Variants in TOM1 observed in about 807,000 individuals in gnomAD.
TOM1 encodes target of myb1 membrane trafficking protein.
Under a neutral mutation model 61.3 loss-of-function variants are expected in TOM1, and 38 were observed. That is an observed-to-expected ratio of 0.62 (90% CI 0.48 to 0.81). TOM1 has a LOEUF of 0.81. Ranked by LOEUF, TOM1 falls within the 40% of genes least tolerant of loss-of-function variation. The pLI, the probability that TOM1 is intolerant of heterozygous loss-of-function variation, is 0.00. For missense variants in TOM1, 591 were observed against 659.6 expected (o/e 0.90, Z 1.14); for synonymous variants, 270 against 268.8 (o/e 1.00, Z -0.04).
At position 35,325,172 on chromosome 22, in the gene TOM1, G is replaced by A. The variant is rs539308770; in HGVS notation, c.648+1258G>A. Among the ~76,000 whole-genome samples, 23 of 152,366 alleles carry A rather than the reference G, an allele frequency of 1.5e-4. No homozygotes were observed. In the East Asian group the frequency reaches 2.3e-3, roughly 15 times the overall value. On this transcript the variant is annotated intron_variant, in intron 6 of 14. Coordinates refer to ENST00000449058, the MANE Select transcript of TOM1 (RefSeq NM_005488.3). The stretch of plus-strand genomic sequence containing the variant: ...TACACACATCAGGCCCATCACATCC[G>A]CGGAGCGTAAAGGTGGAGCTGCTGA...
chr22:35,318,017 A>C (rs1927459693), intron 2 of TOM1, 56 bp downstream of exon 2: 1 of 1,420,882 alleles, frequency 7.0e-7, no homozygotes, highest in African/African-American at 1.4e-5. Context: ...ACCACGCAGC[A>C]CACTCCTGCA....
Position 35,323,316 on chromosome 22 carries a change from G to T in TOM1, c.366+139G>T. On this transcript the variant is annotated intron_variant, in intron 4 of 14. Coordinates refer to ENST00000449058, the MANE Select transcript of TOM1 (RefSeq NM_005488.3). This position sits in a 1 kb window ranked among gnomAD's most constrained non-coding sequence, Gnocchi z 4.2. ...GGGGCGTCTCGGTTGTCGGCTGGTG[G>T]GATGTTCTGTGGGGAGGGAGGCTTG... is the stretch of plus-strand genomic sequence containing the variant. The T allele has an allele frequency of 7.1e-7, 1 of 1,412,116 alleles. No individual in the cohort carries two copies. 87.5% of individuals were successfully genotyped at this position (1,412,116 alleles called of 1,614,324 possible). A position where few individuals can be genotyped will look rare whatever the true frequency, so the allele number is the denominator to read the frequency against.
chr22:35,325,435 T>A (rs1928226735), intron 6 of TOM1, among the ~76,000 whole-genome samples: 1 of 152,202 alleles, frequency 6.6e-6, no homozygotes, highest in African/African-American at 2.4e-5. Flanking sequence ...GCACTGCCCG[T>A]TTGCCCCAAG....
rs141657580 is a variant in TOM1 at position 35,334,363 on chromosome 22, T to A, written c.1063T>A (p.Ser355Thr). The part of the protein sequence containing the change: ...GSSSVRAGLQ[S>T]LEASGRLEDE... ...CAGCAGTGTGAGAGCTGGCCTGCAG[T>A]CTCTGGAGGCCTCTGGTCGACTGGA... Residue 355 changes from serine to threonine, a missense_variant, in exon 11 of 15, where the codon TCT becomes ACT. By Grantham distance (58) the Ser-to-Thr change is moderately conservative. Coordinates refer to ENST00000449058, the MANE Select transcript of TOM1 (RefSeq NM_005488.3). The A allele has an allele frequency of 6.2e-7, 1 of 1,614,014 alleles. No homozygotes were observed.
intron 10 of TOM1, among the ~76,000 whole-genome samples, chr22:35,334,031 C>T (rs960510578): frequency 2.0e-5 from 3 of 152,206 alleles, no homozygotes; most frequent in African/African-American, 7.2e-5. Flanking sequence ...ATCGACTACC[C>T]ATCTGATTAC....
intron 1 of TOM1, 82 bp from the exon 2 acceptor site, chr22:35,317,795 A>G (rs1313598502): frequency 8.8e-6 from 9 of 1,018,058 alleles, no homozygotes; most frequent in Non-Finnish European, 1.3e-5. Context: ...CCGGCCCTGC[A>G]CCCCCCTCCT....
chr22:35,301,108 A>G (rs952959978), intron 1 of TOM1, among the ~76,000 whole-genome samples: 1 of 151,030 alleles, frequency 6.6e-6, no homozygotes, highest in Non-Finnish European at 1.5e-5. Context: ...GTGCCTGTGC[A>G]CCCAGCCACT....
At chr22:35,327,520 C>A (rs1057394093) in intron 7 of TOM1, 133 bp downstream of exon 7, 30 of 651,268 alleles carry the variant, frequency 4.6e-5, no homozygotes, top group Non-Finnish European at 7.2e-5. Context: ...GACATGTTAC[C>A]ACCAGGGACT....
intron 1 of TOM1, 137 bp downstream of exon 1, chr22:35,300,117 G>A: frequency 1.0e-6 from 1 of 965,286 alleles, no homozygotes; most frequent in Non-Finnish European, 1.5e-6. Flanking sequence ...ACCTGGCTCC[G>A]CCCAGCTTTC....
intron 12 of TOM1, among the ~76,000 whole-genome samples, chr22:35,342,851 C>G (rs1054639539): frequency 6.8e-6 from 1 of 147,584 alleles, no homozygotes. Flanking sequence ...ACCACACCTA[C>G]ACACTCATGC....
chr22:35,334,462 C>A lies in TOM1; in HGVS notation c.1148+14C>A, dbSNP rs1472206586. ...CCAACGGAAAGAGTGAGTGGCCTGG[C>A]CCTGCCCTGGTCCCCTGCAGTTCGG... On this transcript the variant is annotated intron_variant, in intron 11 of 14. Transcript: ENST00000449058. 1 of 1,613,566 alleles carries A rather than the reference C, an allele frequency of 6.2e-7. No homozygotes were observed. The highest frequency in any genetic ancestry group is 8.5e-7 in the Non-Finnish European group (1 of 1,179,908).
In TOM1 at chr22:35,324,232, C is replaced by T. The variant is rs999758330; in HGVS notation, c.648+318C>T. 2.6e-5 allele frequency among the ~76,000 whole-genome samples: 4 copies of T among 152,122 alleles called. No individual in the cohort carries two copies. In the South Asian group the frequency reaches 6.2e-4, roughly 24 times the overall value. On this transcript the variant is annotated intron_variant, in intron 6 of 14. Coordinates refer to ENST00000449058, the MANE Select transcript of TOM1 (RefSeq NM_005488.3). The stretch of plus-strand genomic sequence containing the variant: ...CTCCAACAGCACCATGGAGAGGTGT[C>T]CTGTACGCAGCCCCTTCAGGCCAGC...
Position 35,323,690 on chromosome 22 carries a change from A to C in TOM1, c.501+60A>C. 6.2e-7 allele frequency: 1 copy of C among 1,609,868 alleles called. No individual in the cohort carries two copies. Among genetic ancestry groups the C allele is most frequent in the Non-Finnish European group, 8.5e-7 (1 of 1,176,658 alleles). On this transcript the variant is annotated intron_variant, in intron 5 of 14. Transcript: ENST00000449058. This position sits in a 1 kb window ranked among gnomAD's most constrained non-coding sequence, Gnocchi z 4.2. Reference sequence around the variant, plus strand: ...GGAGGCAGGACTCATCCCCAGAGACATCACCAGGCTGGCCCCTGACTTCCT... The same window carrying C: ...GGAGGCAGGACTCATCCCCAGAGACCTCACCAGGCTGGCCCCTGACTTCCT...
intron 12 of TOM1, among the ~76,000 whole-genome samples, chr22:35,341,664 C>T (rs1012803450): frequency 2.0e-5 from 3 of 152,178 alleles, no homozygotes; most frequent in Admixed American, 1.3e-4. Context: ...ACAGGGTTCA[C>T]TTCCCTAGGG....
intron 7 of TOM1, among the ~76,000 whole-genome samples, chr22:35,329,101 A>G (rs1928591076): frequency 6.6e-6 from 1 of 152,078 alleles, no homozygotes; most frequent in Non-Finnish European, 1.5e-5. Context: ...GATTATAGGC[A>G]TACACCACCA....
At chr22:35,314,238 G>A (rs75034965) in intron 1 of TOM1, among the ~76,000 whole-genome samples, 20,724 of 152,102 alleles carry the variant, frequency 0.14, 1,502 homozygotes, top group South Asian at 0.16. Flanking sequence ...CCTCCCAACA[G>A]CTGTCTTGTA....
upstream of TOM1, chr22:35,299,866 T>C (rs751123999): frequency 1.3e-5 from 20 of 1,538,880 alleles, no homozygotes; most frequent in Admixed American, 1.6e-4. Context: ...ACGTGACGGG[T>C]CGGTGGCGCT....
chr22:35,317,516 A>T (rs962807066), intron 1 of TOM1, among the ~76,000 whole-genome samples: 1 of 152,204 alleles, frequency 6.6e-6, no homozygotes, highest in Non-Finnish European at 1.5e-5. Flanking sequence ...TCAAGGGAGA[A>T]CATCTTATCT....
At chr22:35,321,837 A>C (rs777659743) in intron 2 of TOM1, 122 bp from the exon 3 acceptor site, 43 of 858,996 alleles carry the variant, frequency 5.0e-5, no homozygotes, top group Non-Finnish European at 8.7e-5. Flanking sequence ...CTGGCTGGAT[A>C]CACAAAACAG....
Sources: gnomAD v4.1 joint callset for allele counts (sites outside exome capture counted in the v4.1 genomes callset) on GRCh38, gnomAD v4.1.1 for gene constraint, Gnocchi (gnomAD v3.1) non-coding constraint, MANE v1.5 for transcripts, NCBI Gene and HGNC (gene_info 2026-07-23, HGNC 2026-07-21) for gene names.